Variants in GRIA1 observed in about 807,000 individuals in gnomAD.
The protein encoded by GRIA1 is glutamate ionotropic receptor AMPA type subunit 1.
Under a neutral mutation model 99.2 loss-of-function variants are expected in GRIA1, and 31 were observed. The ratio of observed to expected loss-of-function variants is 0.31; its 90% CI spans 0.23 to 0.42. The LOEUF (loss-of-function observed/expected upper bound fraction) is 0.42. GRIA1 is among the 10% of genes least tolerant of loss of function. GRIA1 has a pLI of 1.00. For missense variants in GRIA1, 782 were observed against 1,157.5 expected (o/e 0.68, Z 4.71); for synonymous variants, 438 against 432.4 (o/e 1.01, Z -0.16).
rs1317239636 is a variant in GRIA1, at chr5:153,724,406, T to C, written c.1823+18339T>C. On this transcript the variant is annotated intron_variant, in intron 11 of 15. Transcript: ENST00000285900. ...AACAAAGCTGGACAGAGAATGACTT[T>C]GACGAGTTGAGAGAGGAAGGCTTCA... Among the ~76,000 whole-genome samples, 5 of 152,144 alleles carry C rather than the reference T, an allele frequency of 3.3e-5. No homozygotes were observed. The South Asian group carries it at 8.3e-4, about 25-fold the overall frequency.
At chr5:153,780,046 G>A (rs1455727908) in intron 13 of GRIA1, among the ~76,000 whole-genome samples, 1 of 152,216 alleles carries the variant, frequency 6.6e-6, no homozygotes, top group Non-Finnish European at 1.5e-5. Context: ...TTTGCCCACT[G>A]AAGCACTGCT....
chr5:153,686,039 G>A (rs1007395329), intron 7 of GRIA1, among the ~76,000 whole-genome samples, 186 bp from the exon 8 acceptor site: 1 of 152,168 alleles, frequency 6.6e-6, no homozygotes, highest in African/African-American at 2.4e-5. Context: ...TCCCAATTTA[G>A]GGAAAAGAGA....
intron 2 of GRIA1, among the ~76,000 whole-genome samples, chr5:153,590,172 T>A (rs184906419): frequency 3.7e-4 from 56 of 152,280 alleles, no homozygotes; most frequent in Admixed American, 2.6e-3. Context: ...GTCAACATTG[T>A]GGATTCAGAA....
chr5:153,601,147 C>T (rs917672904), intron 2 of GRIA1, among the ~76,000 whole-genome samples: 1 of 152,184 alleles, frequency 6.6e-6, no homozygotes, highest in African/African-American at 2.4e-5. Flanking sequence ...GTGCCAGACC[C>T]TGTGTTTAGC....
At chr5:153,758,867 T>A (rs922188736) in intron 11 of GRIA1, among the ~76,000 whole-genome samples, 1 of 151,942 alleles carries the variant, frequency 6.6e-6, no homozygotes, top group Non-Finnish European at 1.5e-5. Flanking sequence ...AACAAATTTT[T>A]AAAAATCAAA....
rs182647146 is a variant in GRIA1 at position 153,701,538 on chromosome 5, G to A, written c.1452+2465G>A. ...TGAGTAGTTAAGGCAGGAGAATGGC[G>A]TGAACCTGGGAGGCGGAGCTTGCAA... is the stretch of plus-strand genomic sequence containing the variant. On this transcript the variant is annotated intron_variant, in intron 10 of 15. Coordinates refer to ENST00000285900, the MANE Select transcript of GRIA1 (RefSeq NM_000827.4). Among the ~76,000 whole-genome samples the A allele has an allele frequency of 4.0e-3, 590 of 148,656 alleles. 2 individuals are homozygous for A. The highest frequency in any genetic ancestry group is 5.9e-3 in the Non-Finnish European group (398 of 67,508).
At chr5:153,617,645 A>T (rs1766634097) in intron 2 of GRIA1, among the ~76,000 whole-genome samples, 1 of 152,170 alleles carries the variant, frequency 6.6e-6, no homozygotes, top group South Asian at 2.1e-4. Context: ...TGATTTAGCC[A>T]CCTACTTTCA....
chr5:153,498,012 G>A (rs1754611897), intron 2 of GRIA1, among the ~76,000 whole-genome samples: 1 of 152,130 alleles, frequency 6.6e-6, no homozygotes, highest in South Asian at 2.1e-4. Flanking sequence ...TCTGCAGAAG[G>A]GGTCACCAAA....
intron 3 of GRIA1, among the ~76,000 whole-genome samples, chr5:153,649,994 C>T (rs1338221344): frequency 6.6e-6 from 1 of 152,192 alleles, no homozygotes; most frequent in African/African-American, 2.4e-5. Flanking sequence ...ACTTAATCCT[C>T]ATAATGACAT....
chr5:153,574,997 A>C (rs1466435810), intron 2 of GRIA1, among the ~76,000 whole-genome samples: 4 of 152,328 alleles, frequency 2.6e-5, no homozygotes, highest in Admixed American at 2.0e-4. Context: ...TGCTGTGCTC[A>C]AATGCCTGAC....
chr5:153,632,519 A>G (rs1284437527), intron 2 of GRIA1, among the ~76,000 whole-genome samples: 1 of 152,198 alleles, frequency 6.6e-6, no homozygotes, highest in African/African-American at 2.4e-5. Flanking sequence ...TCATCTAGAA[A>G]AGGACAATAA....
At chr5:153,786,768 T>G (rs1241509827) in intron 13 of GRIA1, among the ~76,000 whole-genome samples, 4 of 152,102 alleles carry the variant, frequency 2.6e-5, no homozygotes, top group African/African-American at 9.6e-5. Context: ...AAGGAAAACA[T>G]GGGGAGCATT....
At chr5:153,644,178 T>C (rs1016960308) in intron 2 of GRIA1, among the ~76,000 whole-genome samples, 6 of 152,206 alleles carry the variant, frequency 3.9e-5, no homozygotes, top group Non-Finnish European at 5.9e-5. Flanking sequence ...ATATTTAACA[T>C]TGGGAGAATA....
At chr5:153,735,496 T>C (rs1761321547) in intron 11 of GRIA1, among the ~76,000 whole-genome samples, 1 of 152,066 alleles carries the variant, frequency 6.6e-6, no homozygotes, top group African/African-American at 2.4e-5. Context: ...AATAACCAAT[T>C]AGGTCAGGGG....
chr5:153,553,638 A>G lies in GRIA1; in HGVS notation c.220+59573A>G, dbSNP rs547878673. ...GTTTACTGAAGTTGTATCCATGCTC[A>G]CGTGAGGCATTCTTCCCTTACCAGT... On this transcript the variant is annotated intron_variant, in intron 2 of 15. Transcript: ENST00000285900. Among the ~76,000 whole-genome samples, 6 of 152,244 alleles carry G rather than the reference A, an allele frequency of 3.9e-5. No individual in the cohort carries two copies. In the East Asian group the frequency reaches 1.2e-3, roughly 29 times the overall value.
intron 2 of GRIA1, among the ~76,000 whole-genome samples, chr5:153,622,330 G>T (rs1767132552): frequency 6.6e-6 from 1 of 152,184 alleles, no homozygotes; most frequent in Non-Finnish European, 1.5e-5. Flanking sequence ...ATCCAAACGA[G>T]TACCTCATCT....
At chr5:153,531,421 A>G (rs550136328) in intron 2 of GRIA1, among the ~76,000 whole-genome samples, 23 of 152,176 alleles carry the variant, frequency 1.5e-4, no homozygotes, top group African/African-American at 5.3e-4. Context: ...CCAACCCCAA[A>G]CCTCTCCAAG....
chr5:153,498,933 C>T (rs1309780665), intron 2 of GRIA1, among the ~76,000 whole-genome samples: 1 of 152,144 alleles, frequency 6.6e-6, no homozygotes, highest in Non-Finnish European at 1.5e-5. Context: ...TCTACTCATA[C>T]CTGATTTATA....
At chr5:153,508,890 G>T (rs1214356469) in intron 2 of GRIA1, among the ~76,000 whole-genome samples, 1 of 152,176 alleles carries the variant, frequency 6.6e-6, no homozygotes, top group East Asian at 1.9e-4. Context: ...GGAGGGTTCA[G>T]GTCTGCCCGA....
Sources: allele counts gnomAD v4.1 joint callset (sites outside exome capture counted in the v4.1 genomes callset), GRCh38; gene constraint gnomAD v4.1.1; transcripts MANE v1.5; gene names NCBI Gene and HGNC (gene_info 2026-07-23, HGNC 2026-07-21).